The following DTNB variants were observed in gnomAD, a reference collection of about 807,000 sequenced individuals.
DTNB encodes the protein DTN-B.
In DTNB, 63 loss-of-function variants were observed where a neutral mutation model predicts 90.7. The ratio of observed to expected loss-of-function variants is 0.69; its 90% CI spans 0.57 to 0.86. The LOEUF (loss-of-function observed/expected upper bound fraction) is 0.86, where lower values mean the gene tolerates loss of function less well. DTNB is among the 40% of genes least tolerant of loss of function. DTNB has a pLI of 0.00. For synonymous variants in DTNB, 277 were observed against 286.7 expected, an observed-to-expected ratio of 0.97 and a Z score of 0.34; for missense variants, 744 against 807.1, an observed-to-expected ratio of 0.92 and a Z score of 0.95.
intron 12 of DTNB, among the ~76,000 whole-genome samples, chr2:25,451,148 C>A (rs2059224248): frequency 6.6e-6 from 1 of 152,074 alleles, no homozygotes; most frequent in Non-Finnish European, 1.5e-5. Flanking sequence ...TTTTAGATTT[C>A]TTAGGACTTC....
chr2:25,630,044 A>G lies in DTNB; in HGVS notation c.149-1660T>C, dbSNP rs1344698846. 2.6e-5 allele frequency among the ~76,000 whole-genome samples: 4 copies of G among 152,376 alleles called. No individual in the cohort carries two copies. In the East Asian group the frequency reaches 5.8e-4, roughly 22 times the overall value. On this transcript the variant is annotated intron_variant, in intron 3 of 20. Coordinates refer to ENST00000406818, the MANE Select transcript of DTNB (RefSeq NM_021907.5). Reference sequence around the variant, plus strand: ...AAACTCTTACAATTCAACAATTAAAAAAAGATAACCCAATTTAAAAATGGG... The same window carrying G: ...AAACTCTTACAATTCAACAATTAAAGAAAGATAACCCAATTTAAAAATGGG...
At chr2:25,527,556 C>T (rs567320420) in intron 9 of DTNB, among the ~76,000 whole-genome samples, 1 of 151,544 alleles carries the variant, frequency 6.6e-6, no homozygotes, top group Non-Finnish European at 1.5e-5. Context: ...CATAAATACA[C>T]GAGAGTGGAA....
rs946858747 is a variant in DTNB at position 25,472,212 on chromosome 2, C to T, written c.1079+10584G>A. 2.0e-5 allele frequency among the ~76,000 whole-genome samples: 3 copies of T among 152,162 alleles called. No individual in the cohort carries two copies. The East Asian group carries it at 5.8e-4, about 29-fold the overall frequency. ...AGCTACTACGATACTATGATATGTACCAGACGCTGCGGCTCACAGAAGATC... is the reference window on the plus strand; with the variant it reads ...AGCTACTACGATACTATGATATGTATCAGACGCTGCGGCTCACAGAAGATC... On this transcript the variant is annotated intron_variant, in intron 10 of 20. Transcript: ENST00000406818.
chr2:25,418,254 C>T (rs1015588041), intron 16 of DTNB, among the ~76,000 whole-genome samples: 6 of 152,174 alleles, frequency 3.9e-5, no homozygotes, highest in Non-Finnish European at 5.9e-5. Context: ...CTGTCTCCTC[C>T]GTACCCTCTT....
chr2:25,634,050 G>T (rs559399936), intron 3 of DTNB, among the ~76,000 whole-genome samples: 1 of 151,894 alleles, frequency 6.6e-6, no homozygotes, highest in Non-Finnish European at 1.5e-5. Flanking sequence ...GAGCGTCTAC[G>T]CCCGGCAGCC....
intron 9 of DTNB, among the ~76,000 whole-genome samples, chr2:25,494,340 G>T (rs1055379062): frequency 6.6e-6 from 1 of 151,956 alleles, no homozygotes; most frequent in African/African-American, 2.4e-5. Context: ...AGGCATCTCT[G>T]TATTATCCAA....
intron 15 of DTNB, 193 bp downstream of exon 15, chr2:25,427,342 A>AT (rs1477296596): frequency 1.9e-6 from 1 of 519,512 alleles, no homozygotes; most frequent in East Asian, 3.3e-5. Context: ...CCAGTTACTA[A>AT]TTTTTTAATA....
chr2:25,471,368 C>G (rs2062775732), intron 10 of DTNB, among the ~76,000 whole-genome samples: 1 of 151,514 alleles, frequency 6.6e-6, no homozygotes, highest in Admixed American at 6.6e-5. Flanking sequence ...TCTTTCCCAA[C>G]ACGAAGTGCA....
intron 8 of DTNB, among the ~76,000 whole-genome samples, chr2:25,541,264 A>AG (rs1469445270): frequency 6.6e-6 from 1 of 152,044 alleles, no homozygotes; most frequent in Admixed American, 6.5e-5. Context: ...GGATCACCTG[A>AG]GGTCAGGAGT....
At chr2:25,511,621 C>G (rs540156466) in intron 9 of DTNB, among the ~76,000 whole-genome samples, 468 of 152,262 alleles carry the variant, frequency 3.1e-3, no homozygotes, top group African/African-American at 0.011. Context: ...CGTGAGCCAC[C>G]GCGCCCAATC....
chr2:25,401,083 A>G (rs1381606366), intron 16 of DTNB, among the ~76,000 whole-genome samples: 1 of 152,172 alleles, frequency 6.6e-6, no homozygotes, highest in Non-Finnish European at 1.5e-5. Context: ...AGGTCAAGAG[A>G]GGTCACAAGG....
At chr2:25,388,171 C>T (rs2040047892) in intron 17 of DTNB, 31 bp downstream of exon 17, 2 of 1,547,850 alleles carry the variant, frequency 1.3e-6, no homozygotes, top group East Asian at 4.9e-5. Context: ...ATCCCTTCAG[C>T]TCCCCGCTGA....
chr2:25,443,548 T>G (rs1333394850), intron 12 of DTNB, among the ~76,000 whole-genome samples: 1 of 152,210 alleles, frequency 6.6e-6, no homozygotes, highest in Non-Finnish European at 1.5e-5. Context: ...TGTGGCAAGA[T>G]GAGTTCCAAA....
chr2:25,621,838 A>G (rs1303608065), intron 4 of DTNB, among the ~76,000 whole-genome samples: 3 of 152,016 alleles, frequency 2.0e-5, no homozygotes, highest in East Asian at 1.9e-4. Flanking sequence ...TATAAATTAT[A>G]TAAGTATCTT....
chr2:25,458,073 TC>T (rs930651730), intron 10 of DTNB, among the ~76,000 whole-genome samples: 1 of 152,050 alleles, frequency 6.6e-6, no homozygotes, highest in African/African-American at 2.4e-5. Flanking sequence ...GACCTTGTGA[TC>T]CACCCACCTC....
intron 8 of DTNB, among the ~76,000 whole-genome samples, chr2:25,551,606 A>C (rs1176074731): frequency 6.6e-6 from 1 of 152,132 alleles, no homozygotes. Context: ...TACCACCTTC[A>C]CTTAAAGATA....
chr2:25,589,367 C>CTCTTTTTTTTTTT (rs2063078912), intron 6 of DTNB, among the ~76,000 whole-genome samples: 23 of 57,556 alleles, frequency 4.0e-4, no homozygotes, highest in Non-Finnish European at 6.2e-4. Context: ...TTTTTCTTTT[C>CTCTTTTTTTTTTT]TTTTTTTTTT....
At chr2:25,584,633 T>C (rs1421003032) in intron 6 of DTNB, among the ~76,000 whole-genome samples, 1 of 152,116 alleles carries the variant, frequency 6.6e-6, no homozygotes, top group East Asian at 1.9e-4. Context: ...TTTGACTCAC[T>C]GCAACCTCCA....
intron 8 of DTNB, among the ~76,000 whole-genome samples, chr2:25,539,850 T>C (rs1053472857): frequency 4.6e-5 from 7 of 152,192 alleles, no homozygotes; most frequent in African/African-American, 1.4e-4. Flanking sequence ...TACTCTTCAC[T>C]TTTCATATTT....
Sources: gnomAD v4.1 joint callset for allele counts (sites outside exome capture counted in the v4.1 genomes callset) on GRCh38, gnomAD v4.1.1 for gene constraint, MANE v1.5 for transcripts, NCBI Gene and HGNC (gene_info 2026-07-23, HGNC 2026-07-21) for gene names.